Variants in RNF111 observed in about 807,000 individuals in gnomAD.
The protein encoded by RNF111 is ring finger protein 111, also known as E3 ubiquitin-protein ligase Arkadia.
A neutral mutation model predicts 95.1 loss-of-function variants in RNF111; 17 were observed. The observed-to-expected ratio is 0.18, with a 90% confidence interval of 0.12 to 0.27. The LOEUF (loss-of-function observed/expected upper bound fraction) is 0.27, where lower values mean the gene tolerates loss of function less well. Among genes scored for constraint, RNF111 ranks in the 10% least tolerant of loss-of-function variants. The probability of loss-of-function intolerance (pLI) is 1.00; values close to 1 mark genes in which losing one functional copy is unlikely to be tolerated. For missense variants in RNF111, 1,189 were observed against 1,210.4 expected, an observed-to-expected ratio of 0.98 and a Z score of 0.26; for synonymous variants, 440 against 414.8, an observed-to-expected ratio of 1.06 and a Z score of -0.74.
intron 1 of RNF111, among the ~76,000 whole-genome samples, chr15:59,022,785 A>G (rs2040408444): frequency 6.6e-6 from 1 of 152,242 alleles, no homozygotes; most frequent in South Asian, 2.1e-4. Flanking sequence ...CAGCATAGAC[A>G]CATCCAGTAA....
intron 7 of RNF111, among the ~76,000 whole-genome samples, chr15:59,079,397 G>C (rs1257340767): frequency 6.6e-6 from 1 of 152,158 alleles, no homozygotes; most frequent in African/African-American, 2.4e-5. Context: ...AGAACTTTTA[G>C]AAAATTGGTT....
At chr15:59,066,299 G>A (rs979436902) in intron 5 of RNF111, among the ~76,000 whole-genome samples, 5 of 152,090 alleles carry the variant, frequency 3.3e-5, no homozygotes, top group African/African-American at 1.2e-4. Context: ...AAAATCATAT[G>A]ATGTATATGT....
At chr15:59,055,265 A>C (rs867195673) in intron 3 of RNF111, among the ~76,000 whole-genome samples, 27 of 152,180 alleles carry the variant, frequency 1.8e-4, no homozygotes, top group African/African-American at 3.4e-4. Flanking sequence ...AGGACTCCCA[A>C]AGGAATGTTT....
At chr15:59,035,660 A>C (rs899735938) in intron 2 of RNF111, among the ~76,000 whole-genome samples, 1 of 152,148 alleles carries the variant, frequency 6.6e-6, no homozygotes, top group Admixed American at 6.5e-5. Flanking sequence ...TTTTGCATAT[A>C]CCCTAAATCA....
chr15:59,020,485 AT>A (rs1202860631), intron 1 of RNF111, among the ~76,000 whole-genome samples: 1 of 152,146 alleles, frequency 6.6e-6, no homozygotes, highest in African/African-American at 2.4e-5. Flanking sequence ...TACACCCTTC[AT>A]TTTGCTATTG....
intron 4 of RNF111, among the ~76,000 whole-genome samples, chr15:59,058,125 G>T (rs2042273935): frequency 6.6e-6 from 1 of 152,126 alleles, no homozygotes. Context: ...TAAATTATTG[G>T]AATAAGCATA....
intron 1 of RNF111, among the ~76,000 whole-genome samples, chr15:59,001,512 T>C (rs1475145936): frequency 3.9e-5 from 6 of 152,176 alleles, no homozygotes; most frequent in Non-Finnish European, 8.8e-5. Flanking sequence ...CTTACCATGT[T>C]TTTAAAAAAT....
At chr15:59,065,271 A>G (rs1322012452) in intron 5 of RNF111, among the ~76,000 whole-genome samples, 1 of 152,140 alleles carries the variant, frequency 6.6e-6, no homozygotes, top group Non-Finnish European at 1.5e-5. Context: ...TCTTTTATAT[A>G]GTTTCCATAT....
chr15:59,040,165 A>G (rs911427353), intron 2 of RNF111, among the ~76,000 whole-genome samples: 1 of 151,376 alleles, frequency 6.6e-6, no homozygotes, highest in South Asian at 2.1e-4. Flanking sequence ...CCTAGGCTGG[A>G]GAGCAGTGGT....
At chr15:59,010,893 G>C (rs1025790187) in intron 1 of RNF111, among the ~76,000 whole-genome samples, 3 of 152,184 alleles carry the variant, frequency 2.0e-5, no homozygotes, top group Admixed American at 2.0e-4. Context: ...TAATTGGAAT[G>C]AATTCTGAGG....
chr15:59,021,269 G>C (rs1269179628), intron 1 of RNF111, among the ~76,000 whole-genome samples: 1 of 152,162 alleles, frequency 6.6e-6, no homozygotes, highest in Non-Finnish European at 1.5e-5. Context: ...TCCTGTCTCA[G>C]CCTGGCCAGT....
At position 59,031,799 on chromosome 15, in the gene RNF111, A is replaced by T. The variant is rs1296235824; in HGVS notation, c.880+97A>T. 7.8e-6 allele frequency: 8 copies of T among 1,029,016 alleles called. No individual in the cohort carries two copies. The East Asian group carries it at 2.0e-4, about 25-fold the overall frequency. The allele number at this position is 1,029,016 out of a possible 1,614,324, so 63.7% of individuals were successfully genotyped here. A position where few individuals can be genotyped will look rare whatever the true frequency, so the allele number is the denominator to read the frequency against. On this transcript the variant is annotated intron_variant, in intron 2 of 13. Transcript: ENST00000348370. The stretch of plus-strand genomic sequence containing the variant: ...CTTACTGATTTTATTTAAAGGGACT[A>T]TCAGGTTCTATTAACTTTTATTTTT...
At chr15:59,091,445 T>A (rs1460002881) in intron 12 of RNF111, among the ~76,000 whole-genome samples, 2 of 152,026 alleles carry the variant, frequency 1.3e-5, no homozygotes, top group African/African-American at 2.4e-5. Context: ...TTGTCTACTT[T>A]AAAAAAAACA....
In RNF111 at chr15:59,031,545, G is replaced by A. The variant is rs1464205399; in HGVS notation, c.723G>A (p.Val241=). ...TAATGCAGAGGAAGAAACGAGAAGT[G>A]TTAGCTCGAAGAAAATATGCCTTGC... ...RILMQRKKRE[V]LARRKYALLP... The change falls in exon 2 of 14, where the codon GTG becomes GTA. Residue 241 remains valine, a synonymous_variant. Transcript: ENST00000348370. The A allele has an allele frequency of 6.2e-7, 1 of 1,614,192 alleles. No individual in the cohort carries two copies. The highest frequency in any genetic ancestry group is 8.5e-7 in the Non-Finnish European group (1 of 1,180,024).
chr15:59,059,556 G>A (rs1218240453), intron 5 of RNF111, among the ~76,000 whole-genome samples: 1 of 152,110 alleles, frequency 6.6e-6, no homozygotes, highest in African/African-American at 2.4e-5. Context: ...TTAAAATTTT[G>A]GTGATATCCA....
chr15:59,058,268 TTAATTA>T lies in RNF111; in HGVS notation c.1172-84_1172-79del. 3 of 1,051,132 alleles carry T rather than the reference TTAATTA, an allele frequency of 2.9e-6. No individual in the cohort carries two copies. In the Admixed American group the frequency reaches 6.9e-5, roughly 24 times the overall value. The allele number at this position is 1,051,132 out of a possible 1,614,324, so 65.1% of individuals were successfully genotyped here. A position where few individuals can be genotyped will look rare whatever the true frequency, so the allele number is the denominator to read the frequency against. On this transcript the variant is annotated intron_variant, in intron 4 of 13. Transcript: ENST00000348370. Reference sequence around the variant, plus strand: ...TGTATTTTTAAAGTTTTTTTATTTATTAATTATAAACACATTAGCTTACATTAAAAT... The same window carrying T: ...TGTATTTTTAAAGTTTTTTTATTTATTAAACACATTAGCTTACATTAAAAT...
At chr15:59,068,367 G>A (rs2042759377) in intron 6 of RNF111, among the ~76,000 whole-genome samples, 3 of 152,230 alleles carry the variant, frequency 2.0e-5, no homozygotes, top group Non-Finnish European at 1.5e-5. Context: ...AGCACTTTGG[G>A]AGGCCAAGGC....
intron 1 of RNF111, among the ~76,000 whole-genome samples, chr15:58,994,473 C>CTTTTTTT (rs35787227): frequency 2.9e-5 from 2 of 69,522 alleles, no homozygotes; most frequent in African/African-American, 5.5e-5. Context: ...TTTTCTCTCT[C>CTTTTTTT]TTTTTTTTTT....
intron 3 of RNF111, among the ~76,000 whole-genome samples, chr15:59,054,119 A>C (rs2042107942): frequency 6.6e-6 from 1 of 151,912 alleles, no homozygotes; most frequent in East Asian, 1.9e-4. Context: ...TTGTATTTTT[A>C]GTAGAGACGG....
Sources: allele counts gnomAD v4.1 joint callset (sites outside exome capture counted in the v4.1 genomes callset), GRCh38; gene constraint gnomAD v4.1.1; transcripts MANE v1.5; gene names NCBI Gene and HGNC (gene_info 2026-07-23, HGNC 2026-07-21).